The following SLC25A48 variants were observed in gnomAD, a reference collection of about 807,000 sequenced individuals.
SLC25A48 encodes CTC-321K16.1.
Under a neutral mutation model 32.2 loss-of-function variants are expected in SLC25A48, and 29 were observed. The ratio of observed to expected loss-of-function variants is 0.90; its 90% CI spans 0.67 to 1.23. SLC25A48 has a LOEUF of 1.23. SLC25A48 is among the 50% of genes most tolerant of loss of function. SLC25A48 has a pLI of 0.00. For synonymous variants in SLC25A48, 164 were observed against 172.3 expected, an observed-to-expected ratio of 0.95 and a Z score of 0.38; for missense variants, 399 against 422.7, an observed-to-expected ratio of 0.94 and a Z score of 0.49.
chr5:135,736,604 G>C (rs1483297581), intron 3 of SLC25A48, among the ~76,000 whole-genome samples: 1 of 152,050 alleles, frequency 6.6e-6, no homozygotes, highest in African/African-American at 2.4e-5. Context: ...GAGAAGGGGT[G>C]GGGGGTGCTT....
Position 135,888,320 on chromosome 5 carries a change from A to G in SLC25A48, c.*296A>G. On this transcript the variant is annotated 3_prime_UTR_variant, in exon 8 of 8. Transcript: ENST00000681962. ...CTGAGAAGTCCTGACCATGAGCACC[A>G]GGGAGCCAGAAACCACCCAGAGAAA... 2 of 437,042 alleles carry G rather than the reference A, an allele frequency of 4.6e-6. No individual in the cohort carries two copies. Among genetic ancestry groups the G allele is most frequent in the Admixed American group, 6.9e-5 (2 of 29,140 alleles). 27.1% of individuals were successfully genotyped at this position (437,042 alleles called of 1,614,324 possible).
chr5:135,763,542 G>A (rs910653131), intron 3 of SLC25A48, among the ~76,000 whole-genome samples: 3 of 151,994 alleles, frequency 2.0e-5, no homozygotes, highest in Non-Finnish European at 2.9e-5. Context: ...TATGGAGGAG[G>A]AGGAGGGGAA....
In SLC25A48 at chr5:135,621,972, T is replaced by A. The variant is rs73789293; in HGVS notation, c.-848-7265T>A. ...CATTATCTTTCATGTTTATATAAGA[T>A]CTTGTATAGTTCAATAAGAAAAATA... On this transcript the variant is annotated intron_variant, in intron 1 of 10. Transcript: ENST00000646290. Among the ~76,000 whole-genome samples, 482 of 152,212 alleles carry A rather than the reference T, an allele frequency of 3.2e-3. 4 individuals are homozygous for A. Among genetic ancestry groups the A allele is most frequent in the African/African-American group, 0.011 (463 of 41,512 alleles).
intron 3 of SLC25A48, among the ~76,000 whole-genome samples, chr5:135,795,500 T>C (rs1757145387): frequency 6.6e-6 from 1 of 151,820 alleles, no homozygotes; most frequent in South Asian, 2.1e-4. Context: ...CCTGTCATAT[T>C]ATTCCCAATA....
chr5:135,590,217 A>G (rs1209924794), intron 1 of SLC25A48, among the ~76,000 whole-genome samples: 2 of 152,190 alleles, frequency 1.3e-5, no homozygotes, highest in Non-Finnish European at 2.9e-5. Context: ...AGGGCCCCCA[A>G]CATGGGAAGT....
At chr5:135,634,164 G>C (rs899696173) in intron 2 of SLC25A48, among the ~76,000 whole-genome samples, 1 of 152,192 alleles carries the variant, frequency 6.6e-6, no homozygotes, top group Non-Finnish European at 1.5e-5. Context: ...TAGGTGGTGT[G>C]GGGGTGCTGT....
At chr5:135,885,354 C>T (rs1190811166) in intron 7 of SLC25A48, among the ~76,000 whole-genome samples, 1 of 152,150 alleles carries the variant, frequency 6.6e-6, no homozygotes, top group Non-Finnish European at 1.5e-5. Flanking sequence ...TGCTGTGTGC[C>T]CAACACCCTC....
intron 3 of SLC25A48, among the ~76,000 whole-genome samples, chr5:135,706,016 G>C (rs1267440937): frequency 6.6e-6 from 1 of 152,176 alleles, no homozygotes; most frequent in Non-Finnish European, 1.5e-5. Flanking sequence ...TTTGAACTGG[G>C]CTGTCTCTTC....
intron 3 of SLC25A48, among the ~76,000 whole-genome samples, chr5:135,744,163 T>C (rs1032606432): frequency 2.0e-5 from 3 of 152,210 alleles, no homozygotes; most frequent in Admixed American, 1.3e-4. Context: ...CTGCACTTTT[T>C]CCTGCATGCT....
intron 1 of SLC25A48, among the ~76,000 whole-genome samples, chr5:135,628,212 A>C (rs897051144): frequency 8.5e-5 from 13 of 152,162 alleles, no homozygotes; most frequent in African/African-American, 3.1e-4. Context: ...TAAGACTCCA[A>C]ATTTCTCTGA....
chr5:135,692,060 G>T (rs1469161369), intron 3 of SLC25A48, among the ~76,000 whole-genome samples: 1 of 152,168 alleles, frequency 6.6e-6, no homozygotes, highest in Non-Finnish European at 1.5e-5. Context: ...GCTCACACCT[G>T]TAATCCCAGC....
chr5:135,786,449 G>A (rs758816959), intron 3 of SLC25A48, among the ~76,000 whole-genome samples: 6 of 151,896 alleles, frequency 4.0e-5, no homozygotes, highest in Non-Finnish European at 8.8e-5. Context: ...ATGTCATAAG[G>A]GGATATTACA....
At chr5:135,811,596 G>A (rs1287485863) in intron 3 of SLC25A48, among the ~76,000 whole-genome samples, 1 of 152,110 alleles carries the variant, frequency 6.6e-6, no homozygotes, top group Admixed American at 6.5e-5. Context: ...AAATACAAAT[G>A]TTAATTAGTT....
rs1350260835 is a variant in SLC25A48, at chr5:135,867,583, C to T, written c.422-3878C>T. Reference sequence around the variant, plus strand: ...CACTGGCGGAGATTTCTGCTGTTTTCCAGAAGAAGGCTCTTCTGTTTATTC... The same window carrying T: ...CACTGGCGGAGATTTCTGCTGTTTTTCAGAAGAAGGCTCTTCTGTTTATTC... On this transcript the variant is annotated intron_variant, in intron 4 of 7. Transcript: ENST00000681962. Among the ~76,000 whole-genome samples, 3 of 152,234 alleles carry T rather than the reference C, an allele frequency of 2.0e-5. No individual in the cohort carries two copies. In the East Asian group the frequency reaches 5.8e-4, roughly 29 times the overall value.
At chr5:135,855,935 C>T (rs1396178774) in intron 4 of SLC25A48, among the ~76,000 whole-genome samples, 1 of 152,216 alleles carries the variant, frequency 6.6e-6, no homozygotes, top group African/African-American at 2.4e-5. Context: ...GCAATTTCTG[C>T]ACCACAAACC....
At chr5:135,697,299 G>GTGCTGCCCCTCCAC (rs1754291305) in intron 3 of SLC25A48, among the ~76,000 whole-genome samples, 1 of 151,714 alleles carries the variant, frequency 6.6e-6, no homozygotes, top group African/African-American at 2.4e-5. Context: ...AGGCAACACA[G>GTGCTGCCCCTCCAC]AGGCTGCCCC....
intron 3 of SLC25A48, among the ~76,000 whole-genome samples, chr5:135,701,247 C>T (rs1295504851): frequency 2.0e-5 from 3 of 152,304 alleles, no homozygotes; most frequent in Non-Finnish European, 2.9e-5. Flanking sequence ...CTCCCCTCAT[C>T]GTCTCTGATT....
At chr5:135,747,984 CA>C (rs1336615561) in intron 3 of SLC25A48, among the ~76,000 whole-genome samples, 2 of 152,198 alleles carry the variant, frequency 1.3e-5, no homozygotes, top group African/African-American at 4.8e-5. Flanking sequence ...CTTAGTAACA[CA>C]TGGTCCCAGC....
chr5:135,886,102 T>A (rs2126848219), intron 7 of SLC25A48, among the ~76,000 whole-genome samples: 1 of 152,278 alleles, frequency 6.6e-6, no homozygotes, highest in Admixed American at 6.5e-5. Flanking sequence ...ATAATGATGG[T>A]GATTTGATGA....
Sources: allele counts gnomAD v4.1 joint callset (sites outside exome capture counted in the v4.1 genomes callset), GRCh38; gene constraint gnomAD v4.1.1; transcripts MANE v1.5; gene names NCBI Gene and HGNC (gene_info 2026-07-23, HGNC 2026-07-21).